Variants in FAM241A observed in about 807,000 individuals in gnomAD.
FAM241A encodes family with sequence similarity 241 member A.
FAM241A carries 7 observed loss-of-function variants against 12.2 expected under a neutral mutation model. That is an observed-to-expected ratio of 0.58 (90% CI 0.33 to 1.08). The LOEUF (loss-of-function observed/expected upper bound fraction) is 1.08, where lower values mean the gene tolerates loss of function less well. Ranked by LOEUF, FAM241A falls within the 50% of genes least tolerant of loss-of-function variation. The pLI is 0.04. For missense variants in FAM241A, 161 were observed against 169.7 expected, an observed-to-expected ratio of 0.95 and a Z score of 0.29; for synonymous variants, 74 against 68.2, an observed-to-expected ratio of 1.08 and a Z score of -0.42.
At chr4:112,152,008 T>C (rs1723254542) in intron 1 of FAM241A, among the ~76,000 whole-genome samples, 1 of 152,228 alleles carries the variant, frequency 6.6e-6, no homozygotes, top group African/African-American at 2.4e-5. Context: ...TAAAAGCAGT[T>C]TGCAAGCAAT....
intron 1 of FAM241A, among the ~76,000 whole-genome samples, chr4:112,149,973 G>A (rs1034478664): frequency 1.2e-4 from 18 of 151,620 alleles, no homozygotes; most frequent in African/African-American, 1.9e-4. Context: ...TGGTAATTTC[G>A]TATATACACA....
intron 1 of FAM241A, among the ~76,000 whole-genome samples, chr4:112,174,470 A>G (rs182061433): frequency 1.9e-4 from 29 of 152,336 alleles, no homozygotes; most frequent in African/African-American, 6.7e-4. Flanking sequence ...GACTTTGTTT[A>G]CTTGGGAAAG....
intron 1 of FAM241A, among the ~76,000 whole-genome samples, chr4:112,182,204 G>A (rs1376597087): frequency 6.6e-6 from 1 of 152,124 alleles, no homozygotes; most frequent in African/African-American, 2.4e-5. Context: ...ACCATTCACT[G>A]ACCTAGGGAG....
rs1034406130 is a variant in FAM241A at position 112,186,763 on chromosome 4, T to C, written c.224T>C (p.Phe75Ser). 6 of 1,614,056 alleles carry C rather than the reference T, an allele frequency of 3.7e-6. No individual in the cohort carries two copies. Among genetic ancestry groups the C allele is most frequent in the Non-Finnish European group, 4.2e-6 (5 of 1,179,974 alleles). Residue 75 changes from phenylalanine to serine, a missense_variant, in exon 2 of 2, where the codon TTT becomes TCT. By Grantham distance (155) the Phe-to-Ser change is radical. Transcript: ENST00000309733. Reference sequence around the variant, plus strand: ...GACTACAAGAAAATGGGAACACTTTTTGGTGAACTGAACAAAAACCTTATC... The same window carrying C: ...GACTACAAGAAAATGGGAACACTTTCTGGTGAACTGAACAAAAACCTTATC... ...GDDYKKMGTLFGELNKNLINM... is the reference protein window; with the variant it reads ...GDDYKKMGTLSGELNKNLINM...
chr4:112,163,373 A>G (rs1441162638), intron 1 of FAM241A, among the ~76,000 whole-genome samples: 2 of 152,334 alleles, frequency 1.3e-5, no homozygotes, highest in Non-Finnish European at 2.9e-5. Context: ...TGAACAGGCA[A>G]CCTACAGAAT....
rs1724225750 is a variant in FAM241A at position 112,194,395 on chromosome 4, A to G, written c.*7457A>G. The G allele has an allele frequency of 6.6e-6, 1 of 151,308 alleles. No homozygotes were observed. The highest frequency in any genetic ancestry group is 2.4e-5 in the African/African-American group (1 of 41,144). The allele number at this position is 151,308 out of a possible 1,614,324, so 9.4% of individuals were successfully genotyped here. Reference sequence around the variant, plus strand: ...AACTTCCAACACTATGTTGAATAGGAGTGGTGAGAGAGGGCATCCCTGTCT... The same window carrying G: ...AACTTCCAACACTATGTTGAATAGGGGTGGTGAGAGAGGGCATCCCTGTCT... On this transcript the variant is annotated 3_prime_UTR_variant, in exon 2 of 2. Coordinates refer to ENST00000309733, the MANE Select transcript of FAM241A (RefSeq NM_152400.3).
rs1420238384 is a variant in FAM241A, at chr4:112,190,753, A to G, written c.*3815A>G. 1 of 151,942 alleles carries G rather than the reference A, an allele frequency of 6.6e-6. No individual in the cohort carries two copies. The highest frequency in any genetic ancestry group is 1.5e-5 in the Non-Finnish European group (1 of 68,042). The allele number at this position is 151,942 out of a possible 1,614,324, so 9.4% of individuals were successfully genotyped here. A position where few individuals can be genotyped will look rare whatever the true frequency, so the allele number is the denominator to read the frequency against. On this transcript the variant is annotated 3_prime_UTR_variant, in exon 2 of 2. Transcript: ENST00000309733. ...GGTAATAGAGTTGGCCGAGAAGAAT[A>G]TAAACTTATTTACAAACTATGACTT... is the stretch of plus-strand genomic sequence containing the variant.
chr4:112,159,883 C>G (rs1723426188), intron 1 of FAM241A, among the ~76,000 whole-genome samples: 1 of 152,162 alleles, frequency 6.6e-6, no homozygotes. Context: ...AGGATGTCCA[C>G]TGGTCACCAG....
chr4:112,175,949 A>G (rs1723812017), intron 1 of FAM241A, among the ~76,000 whole-genome samples: 1 of 152,170 alleles, frequency 6.6e-6, no homozygotes, highest in African/African-American at 2.4e-5. Flanking sequence ...AATACTGCAT[A>G]TGTAATGATA....
intron 1 of FAM241A, among the ~76,000 whole-genome samples, chr4:112,155,261 G>A (rs1203806263): frequency 6.6e-6 from 1 of 151,996 alleles, no homozygotes; most frequent in Non-Finnish European, 1.5e-5. Context: ...TTTCATTTGT[G>A]TGTCTGCAAT....
At chr4:112,172,233 G>T (rs975990345) in intron 1 of FAM241A, among the ~76,000 whole-genome samples, 5 of 152,160 alleles carry the variant, frequency 3.3e-5, no homozygotes, top group African/African-American at 1.2e-4. Flanking sequence ...TAATAAATGT[G>T]TCATGAAATA....
intron 1 of FAM241A, among the ~76,000 whole-genome samples, 199 bp downstream of exon 1, chr4:112,145,932 T>G (rs992749798): frequency 7.9e-5 from 12 of 151,254 alleles, no homozygotes; most frequent in African/African-American, 2.7e-4. Flanking sequence ...GTCGCGCGAG[T>G]GCAGACGCCA....
intron 1 of FAM241A, chr4:112,171,217 T>C: frequency 5.6e-6 from 4 of 709,274 alleles, no homozygotes; most frequent in Admixed American, 1.8e-5. Flanking sequence ...CCTGCAAACA[T>C]GGTAAACATT....
Position 112,186,816 on chromosome 4 carries a change from G to A in FAM241A, c.277G>A (p.Gly93Arg), listed in dbSNP as rs1180397858. Residue 93 changes from glycine to arginine, a missense_variant, in exon 2 of 2, where the codon GGA (glycine) becomes AGA (arginine). By Grantham distance (125) the Gly-to-Arg change is moderately radical. Coordinates refer to ENST00000309733, the MANE Select transcript of FAM241A (RefSeq NM_152400.3). ...INMGFTRMYFGERIVEPVIVI... is the reference protein window; with the variant it reads ...INMGFTRMYFRERIVEPVIVI... ...CATGGGCTTCACAAGGATGTATTTT[G>A]GAGAACGAATAGTGGAACCAGTAAT... 19 of 1,613,878 alleles carry A rather than the reference G, an allele frequency of 1.2e-5. No homozygotes were observed. The highest frequency in any genetic ancestry group is 1.5e-5 in the Non-Finnish European group (18 of 1,179,964).
At chr4:112,161,732 A>C (rs1723474725) in intron 1 of FAM241A, among the ~76,000 whole-genome samples, 1 of 152,224 alleles carries the variant, frequency 6.6e-6, no homozygotes, top group African/African-American at 2.4e-5. Flanking sequence ...CCAGAGGTAC[A>C]AAGAGGAGCT....
At chr4:112,166,289 C>A (rs981073915) in intron 1 of FAM241A, among the ~76,000 whole-genome samples, 2 of 151,772 alleles carry the variant, frequency 1.3e-5, no homozygotes, top group Admixed American at 6.6e-5. Flanking sequence ...ATCTCCTGGT[C>A]TCGATCTCCT....
At position 112,145,826 on chromosome 4, in the gene FAM241A, C is replaced by T. The variant is rs898216855; in HGVS notation, c.153+93C>T. ...GGGAAGGGGCCCGGCCCGCGGGCCG[C>T]GCCGCAGCTCTGCCCCGCGTGGGCA... On this transcript the variant is annotated intron_variant, in intron 1 of 1. Coordinates refer to ENST00000309733, the MANE Select transcript of FAM241A (RefSeq NM_152400.3). 6.5e-5 allele frequency: 50 copies of T among 773,152 alleles called. No homozygotes were observed. In the South Asian group the frequency reaches 6.6e-4, roughly 10 times the overall value. 47.9% of individuals were successfully genotyped at this position (773,152 alleles called of 1,614,324 possible).
chr4:112,162,184 C>T (rs2110425033), intron 1 of FAM241A, among the ~76,000 whole-genome samples: 1 of 152,276 alleles, frequency 6.6e-6, no homozygotes. Context: ...CTATTTATGA[C>T]AGACCCACAG....
Position 112,158,627 on chromosome 4 carries a change from T to C in FAM241A, c.153+12894T>C, listed in dbSNP as rs555821644. Among the ~76,000 whole-genome samples, 4 of 152,238 alleles carry C rather than the reference T, an allele frequency of 2.6e-5. No individual in the cohort carries two copies. In the East Asian group the frequency reaches 7.7e-4, roughly 29 times the overall value. ...GTAAATCATTGGGTTATATGCACTA[T>C]GAAAAAAAGCAGAAAGGTAGACAGG... On this transcript the variant is annotated intron_variant, in intron 1 of 1. Transcript: ENST00000309733.
Sources: gnomAD v4.1 joint callset for allele counts (sites outside exome capture counted in the v4.1 genomes callset) on GRCh38, gnomAD v4.1.1 for gene constraint, MANE v1.5 for transcripts, NCBI Gene and HGNC (gene_info 2026-07-23, HGNC 2026-07-21) for gene names.